Variants in PCDHGB2 observed in about 807,000 individuals in gnomAD.
The protein encoded by PCDHGB2 is protocadherin gamma-B2.
Under a neutral mutation model 59.3 loss-of-function variants are expected in PCDHGB2, and 55 were observed. That is an observed-to-expected ratio of 0.93 (90% confidence interval 0.75 to 1.16). The LOEUF is 1.16. PCDHGB2 is among the 50% of genes most tolerant of loss of function. The pLI is 0.00. For missense variants in PCDHGB2, 1,228 were observed against 1,198.5 expected (o/e 1.02, Z -0.36); for synonymous variants, 516 against 512.0 (o/e 1.01, Z -0.11).
At chr5:141,397,871 C>G (rs2093579938) in intron 1 of PCDHGB2, 6 of 574,628 alleles carry the variant, frequency 1.0e-5, no homozygotes, top group Non-Finnish European at 1.8e-5. Flanking sequence ...AGTGCTGACT[C>G]TGGGCGCCGC....
Position 141,362,273 on chromosome 5 carries a change from T to C in PCDHGB2, c.2138T>C (p.Leu713Pro). 1 of 1,614,072 alleles carries C rather than the reference T, an allele frequency of 6.2e-7. No individual in the cohort carries two copies. Among genetic ancestry groups the C allele is most frequent in the African/African-American group, 1.3e-5 (1 of 75,060 alleles). The part of the protein sequence containing the change: ...FFLAVILAIS[L>P]RLRLSSRSDA... ...CTCGCGGTGATTCTGGCAATCTCCC[T>C]GCGCCTGCGACTCTCTTCCAGGTCA... Residue 713 changes from leucine to proline, a missense_variant, in exon 1 of 4, where the codon CTG becomes CCG. By Grantham distance (98) the Leu-to-Pro change is moderately conservative. Around this residue, in one of 3 missense-constraint regions of PCDHGB2, gnomAD observed 433 missense variants for 441.8 expected, o/e 0.98. Transcript: ENST00000522605.
chr5:141,404,214 C>A, intron 1 of PCDHGB2: 1 of 1,613,562 alleles, frequency 6.2e-7, no homozygotes, highest in Non-Finnish European at 8.5e-7. Flanking sequence ...TATAATATCA[C>A]GGTGACTGCA....
rs145813962 is a variant in PCDHGB2 at position 141,377,375 on chromosome 5, G to A, written c.2421+14819G>A. 13 of 152,264 alleles carry A rather than the reference G, an allele frequency of 8.5e-5. No individual in the cohort carries two copies. The East Asian group carries it at 1.2e-3, about 14-fold the overall frequency. The allele number at this position is 152,264 out of a possible 1,614,324, so 9.4% of individuals were successfully genotyped here. ...AATCCCACCTCTTCAGGAGGCTGAG[G>A]CAGGAGGATCCCTTGAGACCAGGAG... On this transcript the variant is annotated intron_variant, in intron 1 of 3. Transcript: ENST00000522605.
rs200964276 is a variant in PCDHGB2 at position 141,371,678 on chromosome 5, C to G, written c.2421+9122C>G. The G allele has an allele frequency of 1.6e-3, 2,661 of 1,614,038 alleles. 3 individuals carry two copies. Among genetic ancestry groups the G allele is most frequent in the Non-Finnish European group, 2.1e-3 (2,441 of 1,179,894 alleles). On this transcript the variant is annotated intron_variant, in intron 1 of 3. Coordinates refer to ENST00000522605, the MANE Select transcript of PCDHGB2 (RefSeq NM_018923.3). ...TGACGATCACAGCTACCGACAAAGG[C>G]AATCCACCGCTCTCCTCCAGCAAGA...
intron 1 of PCDHGB2, among the ~76,000 whole-genome samples, chr5:141,387,115 T>C (rs2090824355): frequency 6.6e-6 from 1 of 152,224 alleles, no homozygotes. Context: ...AATATTCCTG[T>C]AATGAAATCA....
chr5:141,449,300 T>C (rs2098635283), intron 1 of PCDHGB2, among the ~76,000 whole-genome samples: 1 of 152,090 alleles, frequency 6.6e-6, no homozygotes, highest in Non-Finnish European at 1.5e-5. Flanking sequence ...GGGTGAATTA[T>C]ATGTATTATA....
intron 3 of PCDHGB2, among the ~76,000 whole-genome samples, chr5:141,509,722 C>A (rs919655821): frequency 5.9e-5 from 9 of 152,140 alleles, no homozygotes; most frequent in African/African-American, 2.2e-4. Flanking sequence ...CTGATGTCAC[C>A]TAGCTGTGGC....
chr5:141,431,916 T>C lies in PCDHGB2; in HGVS notation c.2422-62891T>C, dbSNP rs2097428336. 1 of 1,614,056 alleles carries C rather than the reference T, an allele frequency of 6.2e-7. No homozygotes were observed. Among genetic ancestry groups the C allele is most frequent in the Middle Eastern group, 1.6e-4 (1 of 6,062 alleles). ...GAAAACGGACAGGTGATCTGTTTCA[T>C]CCAAGGAAATCTGCCCTTTAAATTA... On this transcript the variant is annotated intron_variant, in intron 1 of 3. Transcript: ENST00000522605. The surrounding 1 kb of genome is among the most constrained non-coding windows in gnomAD (Gnocchi z 4.8).
At chr5:141,427,461 G>A (rs1397917549) in intron 1 of PCDHGB2, 1 of 497,998 alleles carries the variant, frequency 2.0e-6, no homozygotes, top group Admixed American at 2.3e-5. Context: ...TTTTAGAATC[G>A]AATCTTCCGC....
chr5:141,395,483 AT>A lies in PCDHGB2; in HGVS notation c.2421+32929del, dbSNP rs2093238640. ...TTAAGCCTTCCAGTATTTTATTCCT[AT>A]TATCACTCATTCACTTAAGAAGTAG... On this transcript the variant is annotated intron_variant, in intron 1 of 3. Transcript: ENST00000522605. The A allele has an allele frequency of 5.8e-6, 3 of 512,838 alleles. No individual in the cohort carries two copies. The South Asian group carries it at 8.4e-5, about 14-fold the overall frequency. The allele number at this position is 512,838 out of a possible 1,614,324, so 31.8% of individuals were successfully genotyped here.
In PCDHGB2 at chr5:141,500,527, A is replaced by C. The variant is rs937551961; in HGVS notation, c.2481-4866A>C. On this transcript the variant is annotated intron_variant, in intron 2 of 3. Transcript: ENST00000522605. ...CCTGGCCGAGCTTCATTTTAAAAAA[A>C]TCTCATTCACCTAAATAAGTTGTTC... is the stretch of plus-strand genomic sequence containing the variant. 5.9e-5 allele frequency among the ~76,000 whole-genome samples: 9 copies of C among 152,298 alleles called. No individual in the cohort carries two copies. The South Asian group carries it at 6.2e-4, about 11-fold the overall frequency.
intron 1 of PCDHGB2, chr5:141,371,689 T>C: frequency 6.2e-7 from 1 of 1,613,982 alleles, no homozygotes; most frequent in Non-Finnish European, 8.5e-7. Flanking sequence ...AATCCACCGC[T>C]CTCCTCCAGC....
chr5:141,482,472 CTG>C (rs2099561247), intron 1 of PCDHGB2, among the ~76,000 whole-genome samples: 2 of 136,856 alleles, frequency 1.5e-5, no homozygotes, highest in Non-Finnish European at 3.0e-5. Context: ...GTGCCAGACA[CTG>C]TAAACAATTA....
rs770010951 is a variant in PCDHGB2 at position 141,408,783 on chromosome 5, T to A, written c.2421+46227T>A. On this transcript the variant is annotated intron_variant, in intron 1 of 3. Transcript: ENST00000522605. ...TCCGATGGTGGCAAATACCCAGAGT[T>A]ATCTCTGGAGAAACTCCTAGACCGG... 26 of 1,612,386 alleles carry A rather than the reference T, an allele frequency of 1.6e-5. No homozygotes were observed. The East Asian group carries it at 5.8e-4, about 36-fold the overall frequency.
rs910664589 is a variant in PCDHGB2 at position 141,360,843 on chromosome 5, C to G, written c.708C>G (p.Asn236Lys). 1 of 1,613,956 alleles carries G rather than the reference C, an allele frequency of 6.2e-7. No individual in the cohort carries two copies. The change falls in exon 1 of 4, where the codon AAC becomes AAG. Residue 236 changes from asparagine to lysine, a missense_variant. By Grantham distance (94) the Asn-to-Lys change is moderately conservative. Transcript: ENST00000522605. ...TCCGAATCAAAGTCACGGATGCCAA[C>G]GATAACCCTCCAGTGTTCAGCCAGG... ...TQIRIKVTDA[N>K]DNPPVFSQDV...
chr5:141,379,118 C>G (rs180933858), intron 1 of PCDHGB2: 2 of 152,296 alleles, frequency 1.3e-5, no homozygotes, highest in Admixed American at 1.3e-4. Flanking sequence ...GAGAAGATAC[C>G]TTGAAAATAA....
intron 1 of PCDHGB2, among the ~76,000 whole-genome samples, chr5:141,402,766 A>T (rs1321674206): frequency 6.6e-6 from 1 of 152,232 alleles, no homozygotes; most frequent in African/African-American, 2.4e-5. Context: ...TCAGGACTCC[A>T]TCCGGATTTC....
At chr5:141,423,395 C>G (rs1249200485) in intron 1 of PCDHGB2, 1 of 1,614,060 alleles carries the variant, frequency 6.2e-7, no homozygotes, top group Non-Finnish European at 8.5e-7. Context: ...TGGCATAAGT[C>G]ACGCCTGCTG....
chr5:141,494,927 G>A, intron 2 of PCDHGB2, 62 bp downstream of exon 2: 1 of 1,613,516 alleles, frequency 6.2e-7, no homozygotes, highest in Non-Finnish European at 8.5e-7. Flanking sequence ...GATGACGTGG[G>A]AGGAGATGGG....
Sources: gnomAD v4.1 joint callset for allele counts (sites outside exome capture counted in the v4.1 genomes callset) on GRCh38, gnomAD v4.1.1 for gene constraint, gnomAD v4.1.1 regional missense constraint, Gnocchi (gnomAD v3.1) non-coding constraint, MANE v1.5 for transcripts, NCBI Gene and HGNC (gene_info 2026-07-23, HGNC 2026-07-21) for gene names.